Variants in NEDD9 observed in about 807,000 individuals in gnomAD.
NEDD9 encodes the protein neural precursor cell expressed, developmentally down-regulated 9.
A neutral mutation model predicts 76.6 loss-of-function variants in NEDD9; 26 were observed. That is an observed-to-expected ratio of 0.34 (90% CI 0.25 to 0.47). The LOEUF (loss-of-function observed/expected upper bound fraction) is 0.47, where lower values mean the gene tolerates loss of function less well. Among genes scored for constraint, NEDD9 ranks in the 20% least tolerant of loss-of-function variants. The probability of loss-of-function intolerance (pLI) is 1.00; values close to 1 mark genes in which losing one functional copy is unlikely to be tolerated. For synonymous variants in NEDD9, 392 were observed against 414.2 expected (o/e 0.95, Z 0.65); for missense variants, 937 against 1,058.5 (o/e 0.89, Z 1.59).
chr6:11,269,694 G>T (rs1760264749), intron 3 of NEDD9, among the ~76,000 whole-genome samples: 3 of 152,004 alleles, frequency 2.0e-5, no homozygotes, highest in Non-Finnish European at 4.4e-5. Flanking sequence ...GATAAATTTA[G>T]TTTGTAATAG....
chr6:11,205,813 A>C (rs1375684151), intron 2 of NEDD9, among the ~76,000 whole-genome samples: 5 of 152,068 alleles, frequency 3.3e-5, no homozygotes, highest in African/African-American at 1.2e-4. Flanking sequence ...TATTTAGTGG[A>C]GACGGGGTTT....
chr6:11,326,404 T>C (rs1459773788), intron 2 of NEDD9, among the ~76,000 whole-genome samples: 2 of 152,214 alleles, frequency 1.3e-5, no homozygotes, highest in African/African-American at 4.8e-5. Flanking sequence ...GATCTACCAA[T>C]TAAACACACT....
In NEDD9 at chr6:11,302,686, C is replaced by T. The variant is rs182564202; in HGVS notation, c.12+3306G>A. ...TCCACCACGATCACATTGGCTACAT[C>T]CCTGGGATGCAAGGCTGGTTCAACA... is the stretch of plus-strand genomic sequence containing the variant. On this transcript the variant is annotated intron_variant, in intron 3 of 3. Transcript: ENST00000397378. Among the ~76,000 whole-genome samples, 365 of 152,304 alleles carry T rather than the reference C, an allele frequency of 2.4e-3. 3 individuals carry two copies. The highest frequency in any genetic ancestry group is 3.3e-3 in the Non-Finnish European group (227 of 68,030).
At chr6:11,381,739 T>G (rs1187179915) in intron 1 of NEDD9, among the ~76,000 whole-genome samples, 2 of 152,190 alleles carry the variant, frequency 1.3e-5, no homozygotes, top group African/African-American at 2.4e-5. Context: ...ACGTAAATGA[T>G]TCTAATCCAC....
At chr6:11,251,224 T>C (rs750544054) in intron 3 of NEDD9, 2 of 152,208 alleles carry the variant, frequency 1.3e-5, no homozygotes, top group African/African-American at 2.4e-5. Context: ...TCAGGAAAGA[T>C]AGTGGTTCTA....
intron 2 of NEDD9, among the ~76,000 whole-genome samples, chr6:11,309,728 G>T (rs1404090463): frequency 6.6e-6 from 1 of 152,050 alleles, no homozygotes; most frequent in Non-Finnish European, 1.5e-5. Flanking sequence ...AAACATTTAT[G>T]GGTTTTTCTT....
chr6:11,350,056 G>A (rs1762436471), intron 1 of NEDD9, among the ~76,000 whole-genome samples: 1 of 152,146 alleles, frequency 6.6e-6, no homozygotes, highest in South Asian at 2.1e-4. Flanking sequence ...AGTTCTTCAG[G>A]AGCTGGCCTG....
intron 2 of NEDD9, among the ~76,000 whole-genome samples, chr6:11,202,537 T>C (rs928026619): frequency 3.9e-5 from 6 of 152,340 alleles, no homozygotes; most frequent in African/African-American, 1.4e-4. Flanking sequence ...GTTTGCCTGC[T>C]TAAAATCCAA....
chr6:11,371,869 G>A (rs1762882433), intron 1 of NEDD9, among the ~76,000 whole-genome samples: 2 of 152,244 alleles, frequency 1.3e-5, no homozygotes, highest in South Asian at 2.1e-4. Context: ...CATAGTAGGT[G>A]TATATATTTA....
At chr6:11,312,218 C>A (rs565516994) in intron 2 of NEDD9, among the ~76,000 whole-genome samples, 1 of 152,146 alleles carries the variant, frequency 6.6e-6, no homozygotes, top group African/African-American at 2.4e-5. Context: ...AAGACACACC[C>A]CATCTGTTAA....
intron 1 of NEDD9, among the ~76,000 whole-genome samples, chr6:11,350,988 T>C (rs1204885193): frequency 6.6e-6 from 1 of 152,220 alleles, no homozygotes; most frequent in African/African-American, 2.4e-5. Context: ...TTGTTTTATA[T>C]ATACATTGTG....
intron 1 of NEDD9, among the ~76,000 whole-genome samples, chr6:11,339,950 C>T (rs1046879123): frequency 1.3e-5 from 2 of 152,120 alleles, no homozygotes; most frequent in African/African-American, 4.8e-5. Flanking sequence ...CAAATGTGAG[C>T]TTAAGGGGAT....
chr6:11,200,156 G>A, intron 2 of NEDD9: 1 of 254,510 alleles, frequency 3.9e-6, no homozygotes, highest in South Asian at 3.6e-5. Context: ...CTTTGGGTAA[G>A]GGGGAACATT....
intron 3 of NEDD9, among the ~76,000 whole-genome samples, chr6:11,259,809 G>A (rs1229602487): frequency 2.0e-5 from 3 of 152,084 alleles, no homozygotes; most frequent in African/African-American, 7.3e-5. Context: ...ATATTAATTA[G>A]CAATTTTAAC....
At chr6:11,237,569 G>GA (rs1314262796), upstream of NEDD9, among the ~76,000 whole-genome samples, 1 of 151,846 alleles carries the variant, frequency 6.6e-6, no homozygotes, top group Non-Finnish European at 1.5e-5. This position sits in a 1 kb window ranked among gnomAD's most constrained non-coding sequence, Gnocchi z 4.9. Context: ...AAGTGGTTGG[G>GA]AAAAAAACCA....
chr6:11,321,450 A>T (rs1023661461), intron 2 of NEDD9, among the ~76,000 whole-genome samples: 4 of 152,204 alleles, frequency 2.6e-5, no homozygotes, highest in Non-Finnish European at 4.4e-5. Context: ...ACAGACATAC[A>T]ATTGCTTGCA....
intron 1 of NEDD9, among the ~76,000 whole-genome samples, chr6:11,354,812 G>A (rs1762534928): frequency 6.6e-6 from 1 of 152,152 alleles, no homozygotes; most frequent in African/African-American, 2.4e-5. Context: ...GCACAAGTCA[G>A]CCCAAACAGA....
chr6:11,288,321 G>C (rs566921151), intron 3 of NEDD9, among the ~76,000 whole-genome samples: 1 of 152,172 alleles, frequency 6.6e-6, no homozygotes, highest in African/African-American at 2.4e-5. Flanking sequence ...TTTTGTTGGC[G>C]TGCTTAGGGT....
rs537106143 is a variant in NEDD9 at position 11,309,439 on chromosome 6, C to G, written c.-152-3284G>C. 5.3e-5 allele frequency among the ~76,000 whole-genome samples: 8 copies of G among 152,290 alleles called. No homozygotes were observed. The South Asian group carries it at 1.7e-3, about 32-fold the overall frequency. On this transcript the variant is annotated intron_variant, in intron 2 of 3. Transcript: ENST00000397378. ...TAGGTTTCCCTCCATCCCTCCCTGCCTTCCTGCCTTCCTTGTTTCTTTGTG... is the reference window on the plus strand; with the variant it reads ...TAGGTTTCCCTCCATCCCTCCCTGCGTTCCTGCCTTCCTTGTTTCTTTGTG...
Sources: allele counts gnomAD v4.1 joint callset (sites outside exome capture counted in the v4.1 genomes callset), GRCh38; gene constraint gnomAD v4.1.1; non-coding constraint Gnocchi (gnomAD v3.1); transcripts MANE v1.5; gene names NCBI Gene and HGNC (gene_info 2026-07-23, HGNC 2026-07-21).